The following PTPRA variants were observed in gnomAD, a reference collection of about 807,000 sequenced individuals.
PTPRA encodes the protein receptor-type tyrosine-protein phosphatase alpha.
A neutral mutation model predicts 104.8 loss-of-function variants in PTPRA; 25 were observed. The ratio of observed to expected loss-of-function variants is 0.24; its 90% confidence interval spans 0.17 to 0.33. PTPRA has a LOEUF of 0.33. PTPRA is among the 10% of genes least tolerant of loss of function. The pLI is 1.00. For synonymous variants in PTPRA, 323 were observed against 368.9 expected (o/e 0.88, Z 1.43); for missense variants, 765 against 1,015.3 (o/e 0.75, Z 3.35).
At chr20:2,891,036 T>C (rs2058772624) in intron 1 of PTPRA, among the ~76,000 whole-genome samples, 1 of 152,238 alleles carries the variant, frequency 6.6e-6, no homozygotes, top group Non-Finnish European at 1.5e-5. Flanking sequence ...CAGCGTGTTA[T>C]TTTTATAATC....
At chr20:2,877,921 G>A (rs911876968) in intron 1 of PTPRA, among the ~76,000 whole-genome samples, 44 of 152,292 alleles carry the variant, frequency 2.9e-4, no homozygotes, top group African/African-American at 1.0e-3. Flanking sequence ...GGGAGGCTGA[G>A]GCAGGTGGAT....
Position 3,035,656 on chromosome 20 carries a change from G to T in PTPRA, c.1992G>T (p.Lys664Asn). The T allele has an allele frequency of 6.2e-7, 1 of 1,614,132 alleles. No individual in the cohort carries two copies. The highest frequency in any genetic ancestry group is 8.5e-7 in the Non-Finnish European group (1 of 1,179,988). Residue 664 changes from lysine to asparagine, a missense_variant, in exon 21 of 24, where the codon AAG becomes AAT. By Grantham distance (94) the Lys-to-Asn change is moderately conservative. Coordinates refer to ENST00000399903, the MANE Select transcript of PTPRA (RefSeq NM_001385305.1). The surrounding 1 kb of genome is among the most constrained non-coding windows in gnomAD (Gnocchi z 5.8). The part of the protein sequence containing the change: ...SYGDITVELK[K>N]EEECESYTVR... The stretch of plus-strand genomic sequence containing the variant: ...GAGATATTACAGTGGAACTGAAGAA[G>T]GAGGAGGAATGTGAGAGCTACACCG...
In PTPRA at chr20:2,883,391, G is replaced by A. The variant is rs563977208; in HGVS notation, c.-129+9631G>A. ...GTGCAGGCCGGGCGCGGTGGCTCACGCCTGTAATCCCAGCACTTTGGGAGG... is the reference window on the plus strand; with the variant it reads ...GTGCAGGCCGGGCGCGGTGGCTCACACCTGTAATCCCAGCACTTTGGGAGG... On this transcript the variant is annotated intron_variant, in intron 1 of 23. Transcript: ENST00000399903. Among the ~76,000 whole-genome samples the A allele has an allele frequency of 5.7e-4, 13 of 22,892 alleles. 4 individuals carry two copies. The highest frequency in any genetic ancestry group is 2.8e-3 in the African/African-American group (3 of 1,090). 15.0% of individuals were successfully genotyped at this position (22,892 alleles called of 152,430 possible).
At chr20:2,921,546 T>C (rs1177879468) in intron 1 of PTPRA, among the ~76,000 whole-genome samples, 1 of 152,096 alleles carries the variant, frequency 6.6e-6, no homozygotes, top group Non-Finnish European at 1.5e-5. Flanking sequence ...ATTTTTAACA[T>C]TTTGGTTTAT....
At chr20:2,978,626 A>G in intron 6 of PTPRA, among the ~76,000 whole-genome samples, 1 of 152,120 alleles carries the variant, frequency 6.6e-6, no homozygotes, top group East Asian at 1.9e-4. Flanking sequence ...TTGTCCCGGG[A>G]CACCATTTTA....
intron 6 of PTPRA, among the ~76,000 whole-genome samples, chr20:2,980,587 C>T (rs1397533837): frequency 1.3e-5 from 2 of 151,856 alleles, no homozygotes; most frequent in Non-Finnish European, 2.9e-5. Context: ...CAGTGGCTCA[C>T]GCACATAATC....
chr20:2,888,850 A>G (rs756974949), intron 1 of PTPRA, among the ~76,000 whole-genome samples: 7 of 152,174 alleles, frequency 4.6e-5, no homozygotes, highest in Non-Finnish European at 8.8e-5. Context: ...GGAAGATAGG[A>G]GAGTTTTATG....
rs1054532806 is a variant in PTPRA, at chr20:2,881,733, G to T, written c.-129+7973G>T. Among the ~76,000 whole-genome samples the T allele has an allele frequency of 2.6e-5, 4 of 152,164 alleles. 1 individual carries two copies. Among genetic ancestry groups the T allele is most frequent in the Non-Finnish European group, 5.9e-5 (4 of 68,018 alleles). ...AGACAAAATGGGGCCGGGTGCAGTG[G>T]CTCATGCATGTAATCCCAGCACTTT... On this transcript the variant is annotated intron_variant, in intron 1 of 23. Transcript: ENST00000399903.
At chr20:2,962,310 T>C (rs570950784) in intron 3 of PTPRA, among the ~76,000 whole-genome samples, 23 of 152,354 alleles carry the variant, frequency 1.5e-4, no homozygotes, top group Non-Finnish European at 2.5e-4. Flanking sequence ...GATTTCTTAA[T>C]TGCCTTTTAT....
intron 1 of PTPRA, among the ~76,000 whole-genome samples, chr20:2,908,341 A>G (rs1338785456): frequency 2.6e-5 from 4 of 152,162 alleles, no homozygotes; most frequent in Non-Finnish European, 1.5e-5. Flanking sequence ...ATTTTTTTTC[A>G]ATAAATACAA....
rs767557370 is a variant in PTPRA at position 2,923,217 on chromosome 20, TAAA to T, written c.-111_-109del. The T allele has an allele frequency of 1.2e-5, 15 of 1,201,816 alleles. No individual in the cohort carries two copies. In the Admixed American group the frequency reaches 3.9e-4, roughly 31 times the overall value. 74.4% of individuals were successfully genotyped at this position (1,201,816 alleles called of 1,614,324 possible). ...TTCCTTTTGTTGCAGGTGACACAAC[TAAA>T]AAAAAACAAAGGTATTTATGGAATT... On this transcript the variant is annotated 5_prime_UTR_variant, in exon 2 of 24. Coordinates refer to ENST00000399903, the MANE Select transcript of PTPRA (RefSeq NM_001385305.1).
intron 2 of PTPRA, among the ~76,000 whole-genome samples, chr20:2,939,522 G>T (rs888477645): frequency 1.3e-5 from 2 of 152,152 alleles, no homozygotes; most frequent in African/African-American, 4.8e-5. Flanking sequence ...AGTTTGCCTG[G>T]TCAAAATGTT....
At chr20:3,032,873 G>C (rs999541604) in intron 20 of PTPRA, among the ~76,000 whole-genome samples, 1 of 150,264 alleles carries the variant, frequency 6.7e-6, no homozygotes, top group East Asian at 1.9e-4. Context: ...ACCAGTGACT[G>C]TCCTCTTGCC....
At chr20:2,892,460 AT>A (rs1003548968) in intron 1 of PTPRA, among the ~76,000 whole-genome samples, 1 of 152,074 alleles carries the variant, frequency 6.6e-6, no homozygotes, top group African/African-American at 2.4e-5. Context: ...TGTACTTCCA[AT>A]TTTGAAATTT....
chr20:2,870,766 T>G (rs1033333090), upstream of PTPRA, among the ~76,000 whole-genome samples: 1 of 152,190 alleles, frequency 6.6e-6, no homozygotes, highest in South Asian at 2.1e-4. Flanking sequence ...ACCCTGTGAC[T>G]GTTGGGGCAC....
the PTPRA span, chr20:2,864,636 C>T: frequency 1.9e-6 from 3 of 1,613,968 alleles, no homozygotes; most frequent in East Asian, 6.7e-5. The surrounding 1 kb of genome is among the most constrained non-coding windows in gnomAD (Gnocchi z 5.2). Flanking sequence ...ACATCCGAGC[C>T]AGCTATGCTG....
intron 1 of PTPRA, among the ~76,000 whole-genome samples, chr20:2,888,029 T>C (rs1450194327): frequency 6.6e-6 from 1 of 152,182 alleles, no homozygotes; most frequent in East Asian, 1.9e-4. Context: ...CTCCCCAGTT[T>C]GGGGTGTTAG....
At chr20:2,926,126 C>A (rs1350267874) in intron 2 of PTPRA, among the ~76,000 whole-genome samples, 3 of 152,120 alleles carry the variant, frequency 2.0e-5, no homozygotes, top group African/African-American at 7.2e-5. Flanking sequence ...CAACATAATT[C>A]TTTGCCTCTC....
At chr20:2,892,214 T>C (rs585035) in intron 1 of PTPRA, among the ~76,000 whole-genome samples, 96,690 of 149,424 alleles carry the variant, frequency 0.65, 32,855 homozygotes, top group East Asian at 0.86. Context: ...TGCTTGAACC[T>C]GGGAGTTGAA....
Sources: allele counts gnomAD v4.1 joint callset (sites outside exome capture counted in the v4.1 genomes callset), GRCh38; gene constraint gnomAD v4.1.1; non-coding constraint Gnocchi (gnomAD v3.1); transcripts MANE v1.5; gene names NCBI Gene and HGNC (gene_info 2026-07-23, HGNC 2026-07-21).